MTUS1: variants seen among roughly 807,000 people sequenced by gnomAD.
The protein encoded by MTUS1 is microtubule-associated tumor suppressor 1.
MTUS1 carries 109 observed loss-of-function variants against 120.8 expected under a neutral mutation model. The ratio of observed to expected loss-of-function variants is 0.90; its 90% CI spans 0.77 to 1.06. The LOEUF (loss-of-function observed/expected upper bound fraction) is 1.06, where lower values mean the gene tolerates loss of function less well. MTUS1 is among the 50% of genes least tolerant of loss of function. The pLI is 0.00. For synonymous variants in MTUS1, 737 were observed against 550.5 expected (o/e 1.34, Z -4.74); for missense variants, 2,210 against 1,486.3 (o/e 1.49, Z -8.01).
chr8:17,684,061 G>A (rs570131535), intron 7 of MTUS1, among the ~76,000 whole-genome samples: 11 of 152,240 alleles, frequency 7.2e-5, no homozygotes, highest in African/African-American at 2.4e-4. Flanking sequence ...GGCATACACC[G>A]GCGTAAGAGG....
At chr8:17,778,993 C>G (rs1563378394) in intron 1 of MTUS1, among the ~76,000 whole-genome samples, 1 of 151,800 alleles carries the variant, frequency 6.6e-6, no homozygotes, top group Non-Finnish European at 1.5e-5. Context: ...ACAAAATAGA[C>G]AAAAAAATAG....
At chr8:17,656,766 C>T (rs1352625104) in intron 8 of MTUS1, among the ~76,000 whole-genome samples, 4 of 151,700 alleles carry the variant, frequency 2.6e-5, no homozygotes, top group Non-Finnish European at 4.4e-5. Context: ...GCAGGAAAGA[C>T]GAGGGATAAG....
intron 3 of MTUS1, among the ~76,000 whole-genome samples, chr8:17,725,237 ATAAG>A (rs1246068825): frequency 6.6e-6 from 1 of 152,218 alleles, no homozygotes; most frequent in Non-Finnish European, 1.5e-5. Context: ...TAAGGATCCC[ATAAG>A]TGAGTCAAAT....
intron 3 of MTUS1, among the ~76,000 whole-genome samples, chr8:17,736,282 G>A (rs1442461697): frequency 6.6e-6 from 1 of 152,204 alleles, no homozygotes. Flanking sequence ...CATGTGCCTC[G>A]CAGGCACCTG....
chr8:17,644,984 T>A lies in MTUS1; in HGVS notation c.*942A>T, dbSNP rs753255661. 5.9e-5 allele frequency: 9 copies of A among 152,474 alleles called. No homozygotes were observed. Among genetic ancestry groups the A allele is most frequent in the Non-Finnish European group, 1.0e-4 (7 of 68,028 alleles). The allele number at this position is 152,474 out of a possible 1,614,324, so 9.4% of individuals were successfully genotyped here. ...ATGGGAGGGAAGAAGACAGGTTAAATCTGCAAGGGTAGATCAAAGGTAAAA... is the reference window on the plus strand; with the variant it reads ...ATGGGAGGGAAGAAGACAGGTTAAAACTGCAAGGGTAGATCAAAGGTAAAA... On this transcript the variant is annotated 3_prime_UTR_variant, in exon 15 of 15. Coordinates refer to ENST00000693296, the MANE Select transcript of MTUS1 (RefSeq NM_001363059.2).
At chr8:17,663,460 T>C (rs1810210146) in intron 8 of MTUS1, among the ~76,000 whole-genome samples, 1 of 152,242 alleles carries the variant, frequency 6.6e-6, no homozygotes, top group African/African-American at 2.4e-5. Context: ...AAAAATATTT[T>C]AATGCTCAAG....
chr8:17,780,173 C>T (rs536173501), intron 1 of MTUS1, among the ~76,000 whole-genome samples: 70 of 152,128 alleles, frequency 4.6e-4, no homozygotes, highest in African/African-American at 1.5e-3. Context: ...TATGGCTTTG[C>T]CCTGCTCCAC....
intron 13 of MTUS1, chr8:17,647,355 C>CT (rs1374655390): frequency 3.3e-6 from 1 of 302,588 alleles, no homozygotes; most frequent in Non-Finnish European, 6.0e-6. Context: ...TTGGAATTCT[C>CT]TAAGAATTGG....
At chr8:17,714,631 A>T (rs1053730615) in intron 5 of MTUS1, among the ~76,000 whole-genome samples, 2 of 152,328 alleles carry the variant, frequency 1.3e-5, no homozygotes, top group African/African-American at 4.8e-5. Context: ...TAACTTAATA[A>T]AAAGCAAGAT....
intron 8 of MTUS1, among the ~76,000 whole-genome samples, chr8:17,664,393 C>T (rs1310227677): frequency 1.3e-5 from 2 of 152,002 alleles, no homozygotes; most frequent in African/African-American, 2.4e-5. Flanking sequence ...CATTCCCAAA[C>T]TGCACACATA....
At chr8:17,672,592 C>A (rs1356302044) in intron 8 of MTUS1, among the ~76,000 whole-genome samples, 1 of 152,172 alleles carries the variant, frequency 6.6e-6, no homozygotes, top group African/African-American at 2.4e-5. Context: ...CGCTTCATCA[C>A]AAGTGTTTAC....
At chr8:17,796,683 T>G (rs2052270865) in intron 1 of MTUS1, among the ~76,000 whole-genome samples, 1 of 152,214 alleles carries the variant, frequency 6.6e-6, no homozygotes, top group African/African-American at 2.4e-5. Flanking sequence ...AAGTCATGAT[T>G]AATGTCATCA....
intron 8 of MTUS1, 128 bp from the exon 9 acceptor site, chr8:17,656,193 A>C: frequency 1.3e-6 from 1 of 795,448 alleles, no homozygotes. Context: ...GTCTCTAGTG[A>C]CCATGTCTTC....
intron 8 of MTUS1, among the ~76,000 whole-genome samples, chr8:17,669,630 G>T (rs961532528): frequency 1.3e-5 from 2 of 152,152 alleles, no homozygotes; most frequent in Non-Finnish European, 2.9e-5. Flanking sequence ...TGGATCACCT[G>T]AGGTCAGGAG....
rs779426882 is a variant in MTUS1 at position 17,753,940 on chromosome 8, G to A, written c.1868C>T (p.Ser623Leu). The A allele has an allele frequency of 1.2e-6, 2 of 1,614,158 alleles. No individual in the cohort carries two copies. Among genetic ancestry groups the A allele is most frequent in the East Asian group, 2.2e-5 (1 of 44,880 alleles). Residue 623 changes from serine (S) to leucine (L), a missense_variant, in exon 2 of 15, where the codon TCA becomes TTA. Transcript: ENST00000693296. ...AGAAACGGACCCGGTCTCGCATGCT[G>A]AGTTAGAAGAACTGGCTTTGTCAAC... ...EDVDKASSSN[S>L]ACETGSVSAL... is the part of the protein sequence containing the mutation.
At chr8:17,744,873 G>C (rs2047626033) in intron 2 of MTUS1, among the ~76,000 whole-genome samples, 1 of 151,880 alleles carries the variant, frequency 6.6e-6, no homozygotes, top group South Asian at 2.1e-4. Flanking sequence ...GTAAATCTTT[G>C]AATCCACCTA....
At position 17,653,226 on chromosome 8, in the gene MTUS1, G is replaced by A; in HGVS notation, c.3344C>T (p.Ser1115Leu). 3 of 1,556,310 alleles carry A rather than the reference G, an allele frequency of 1.9e-6. No individual in the cohort carries two copies. The highest frequency in any genetic ancestry group is 2.6e-6 in the Non-Finnish European group (3 of 1,155,272). The change falls in exon 12 of 15, where the codon TCA becomes TTA. Residue 1115 changes from serine to leucine, a missense_variant. By Grantham distance (145) the Ser-to-Leu change is moderately radical (BLOSUM62 -2). Coordinates refer to ENST00000693296, the MANE Select transcript of MTUS1 (RefSeq NM_001363059.2). ...ENDALNEKLK[S>L]EEQKRRAREK... ...TCTTGCTCTTCTTTTTTGTTCTTCTGATTTCAATTTTTCATTTAAAGCATC... is the reference window on the plus strand; with the variant it reads ...TCTTGCTCTTCTTTTTTGTTCTTCTAATTTCAATTTTTCATTTAAAGCATC...
chr8:17,697,482 A>T, intron 6 of MTUS1: 1 of 1,476,614 alleles, frequency 6.8e-7, no homozygotes, highest in African/African-American at 1.4e-5. Flanking sequence ...AAATACAGTC[A>T]GAGGAAAGAT....
At chr8:17,763,055 A>T (rs1361266319) in intron 1 of MTUS1, among the ~76,000 whole-genome samples, 13 of 151,122 alleles carry the variant, frequency 8.6e-5, no homozygotes. Flanking sequence ...GTAATGGCGC[A>T]ATCTTGGCTC....
Sources: allele counts gnomAD v4.1 joint callset (sites outside exome capture counted in the v4.1 genomes callset), GRCh38; gene constraint gnomAD v4.1.1; transcripts MANE v1.5; gene names NCBI Gene and HGNC (gene_info 2026-07-23, HGNC 2026-07-21).